GPR176: variants seen among roughly 807,000 people sequenced by gnomAD.
GPR176 encodes the protein G protein-coupled receptor 176.
GPR176 carries 26 observed loss-of-function variants against 35.4 expected under a neutral mutation model. The observed-to-expected ratio is 0.74, with a 90% CI of 0.54 to 1.02. GPR176 has a LOEUF of 1.02. Among genes scored for constraint, GPR176 ranks in the 50% least tolerant of loss-of-function variants. GPR176 has a pLI of 0.00. For missense variants in GPR176, 597 were observed against 665.3 expected (o/e 0.90, Z 1.13); for synonymous variants, 278 against 271.3 (o/e 1.02, Z -0.24).
chr15:39,821,314 C>A (rs549297885), intron 1 of GPR176, among the ~76,000 whole-genome samples: 4 of 152,154 alleles, frequency 2.6e-5, no homozygotes, highest in Non-Finnish European at 5.9e-5. Flanking sequence ...TGGGAAAGAT[C>A]GATTTTCTAC....
chr15:39,898,265 C>A (rs275724), intron 1 of GPR176, among the ~76,000 whole-genome samples: 1 of 151,678 alleles, frequency 6.6e-6, no homozygotes, highest in Non-Finnish European at 1.5e-5. Context: ...ACAAGATTTA[C>A]GGTGACTTTG....
chr15:39,867,248 G>A (rs2031865792), intron 1 of GPR176, among the ~76,000 whole-genome samples: 1 of 152,216 alleles, frequency 6.6e-6, no homozygotes, highest in African/African-American at 2.4e-5. Context: ...GTGTAGTGGG[G>A]CCAAGGCCAA....
chr15:39,864,042 C>G (rs1244349109), intron 1 of GPR176, among the ~76,000 whole-genome samples: 2 of 152,056 alleles, frequency 1.3e-5, no homozygotes, highest in African/African-American at 4.8e-5. Context: ...AATTTTTGAA[C>G]TCTCAGAAAA....
At chr15:39,886,270 C>T (rs923552768) in intron 1 of GPR176, among the ~76,000 whole-genome samples, 3 of 151,984 alleles carry the variant, frequency 2.0e-5, no homozygotes, top group East Asian at 3.9e-4. Context: ...GAATATTAGA[C>T]TTTGCCTACC....
intron 1 of GPR176, among the ~76,000 whole-genome samples, chr15:39,818,829 G>A (rs1305412300): frequency 6.6e-6 from 1 of 152,186 alleles, no homozygotes; most frequent in Non-Finnish European, 1.5e-5. Context: ...GTCAGAATCT[G>A]AATTGATAAC....
intron 1 of GPR176, among the ~76,000 whole-genome samples, chr15:39,839,502 T>A (rs539254362): frequency 5.3e-5 from 8 of 152,318 alleles, no homozygotes; most frequent in African/African-American, 1.9e-4. Flanking sequence ...GGCTTAAATG[T>A]TAGACCCAAA....
At chr15:39,804,154 A>G (rs1401002345) in intron 2 of GPR176, among the ~76,000 whole-genome samples, 4 of 152,208 alleles carry the variant, frequency 2.6e-5, no homozygotes, top group Middle Eastern at 3.2e-3. Context: ...CAATCCCGTT[A>G]CATGTTGGGA....
At chr15:39,908,663 A>G (rs1211458445) in intron 1 of GPR176, among the ~76,000 whole-genome samples, 2 of 150,712 alleles carry the variant, frequency 1.3e-5, no homozygotes, top group East Asian at 3.9e-4. Flanking sequence ...CTCTCCCCCT[A>G]CTCCCTGTGT....
chr15:39,893,691 C>T (rs2032962117), intron 1 of GPR176, among the ~76,000 whole-genome samples: 1 of 151,514 alleles, frequency 6.6e-6, no homozygotes. Context: ...CGGGCAGAGG[C>T]GCCCATCACC....
chr15:39,832,057 G>A (rs1204043258), intron 1 of GPR176, among the ~76,000 whole-genome samples: 1 of 151,250 alleles, frequency 6.6e-6, no homozygotes, highest in Non-Finnish European at 1.5e-5. Context: ...GGGGGCAAAG[G>A]ATCTGAACAG....
chr15:39,878,699 T>C (rs2032356731), intron 1 of GPR176, among the ~76,000 whole-genome samples: 1 of 152,256 alleles, frequency 6.6e-6, no homozygotes, highest in African/African-American at 2.4e-5. Context: ...AGAACCTCTA[T>C]ATACCCTTTT....
chr15:39,887,089 T>C (rs1938629051), intron 1 of GPR176, among the ~76,000 whole-genome samples: 1 of 152,150 alleles, frequency 6.6e-6, no homozygotes, highest in Non-Finnish European at 1.5e-5. Flanking sequence ...AAATGCAAAT[T>C]CCTAAGCCTC....
intron 1 of GPR176, among the ~76,000 whole-genome samples, chr15:39,830,719 G>C (rs80273260): frequency 2.0e-5 from 3 of 152,210 alleles, no homozygotes; most frequent in Non-Finnish European, 2.9e-5. Flanking sequence ...AATGACATGA[G>C]ATTTCAACTT....
intron 1 of GPR176, among the ~76,000 whole-genome samples, chr15:39,821,356 G>A (rs1484261125): frequency 6.6e-6 from 1 of 152,152 alleles, no homozygotes; most frequent in Non-Finnish European, 1.5e-5. Flanking sequence ...GGCTTTCACA[G>A]TGCAATCAAT....
intron 2 of GPR176, 110 bp from the exon 3 acceptor site, chr15:39,802,364 G>A (rs1348768634): frequency 3.6e-6 from 3 of 836,874 alleles, no homozygotes; most frequent in East Asian, 2.7e-5. Flanking sequence ...TCTTCTATTC[G>A]GCCTAAGACA....
At chr15:39,895,212 AAG>A in intron 1 of GPR176, among the ~76,000 whole-genome samples, 1 of 132,412 alleles carries the variant, frequency 7.6e-6, no homozygotes, top group Non-Finnish European at 1.6e-5. Flanking sequence ...AGACCGTGGA[AAG>A]AGAGGGAGAG....
intron 1 of GPR176, among the ~76,000 whole-genome samples, chr15:39,850,980 T>C (rs574337957): frequency 5.3e-4 from 80 of 152,148 alleles, no homozygotes; most frequent in African/African-American, 1.6e-3. Context: ...AAGAAGTAGA[T>C]ACGGGACATA....
intron 1 of GPR176, among the ~76,000 whole-genome samples, chr15:39,838,076 A>G (rs1901519048): frequency 6.6e-6 from 1 of 151,970 alleles, no homozygotes; most frequent in African/African-American, 2.4e-5. Flanking sequence ...GTGACTAATG[A>G]CTTATAACAA....
At chr15:39,869,152 T>TAAAA (rs66463189) in intron 1 of GPR176, among the ~76,000 whole-genome samples, 2 of 130,004 alleles carry the variant, frequency 1.5e-5, no homozygotes, top group African/African-American at 2.9e-5. Flanking sequence ...AACTGCTTTT[T>TAAAA]AAAAAAAAAA....
Sources: allele counts gnomAD v4.1 joint callset (sites outside exome capture counted in the v4.1 genomes callset), GRCh38; gene constraint gnomAD v4.1.1; transcripts MANE v1.5; gene names NCBI Gene and HGNC (gene_info 2026-07-23, HGNC 2026-07-21).